CD53: variants seen among roughly 807,000 people sequenced by gnomAD.
The protein encoded by CD53 is CD53 molecule.
Under a neutral mutation model 27.3 loss-of-function variants are expected in CD53, and 20 were observed. The ratio of observed to expected loss-of-function variants is 0.73; its 90% confidence interval spans 0.52 to 1.07. The LOEUF (loss-of-function observed/expected upper bound fraction) is 1.07. Ranked by LOEUF, CD53 falls within the 50% of genes least tolerant of loss-of-function variation. CD53 has a pLI of 0.00. For missense variants in CD53, 216 were observed against 264.0 expected (o/e 0.82, Z 1.26); for synonymous variants, 106 against 105.3 (o/e 1.01, Z -0.04).
rs1231116098 is a variant in CD53, at chr1:110,892,719, G to T, written c.252+186G>T. On this transcript the variant is annotated intron_variant, in intron 3 of 7. Transcript: ENST00000271324. ...ATGTATGACTAGGGTCCCACGGACA[G>T]GTGAAAGAGGGCATTGCTATCCCCC... 12 of 556,458 alleles carry T rather than the reference G, an allele frequency of 2.2e-5. No homozygotes were observed. In the Middle Eastern group the frequency reaches 1.4e-3, roughly 65 times the overall value. The allele number at this position is 556,458 out of a possible 1,614,324, so 34.5% of individuals were successfully genotyped here.
At chr1:110,874,233 G>T (rs1006149949) in intron 1 of CD53, among the ~76,000 whole-genome samples, 12 of 152,228 alleles carry the variant, frequency 7.9e-5, no homozygotes, top group African/African-American at 2.2e-4. Flanking sequence ...ATTTCCAAGA[G>T]GGGTGGGGAC....
At chr1:110,886,845 C>CAAGATA (rs1557816820) in intron 1 of CD53, among the ~76,000 whole-genome samples, 1 of 38,904 alleles carries the variant, frequency 2.6e-5, no homozygotes, top group Non-Finnish European at 6.1e-5. Context: ...ACTCTGTCTC[C>CAAGATA]AATATATATA....
rs796425038 is a variant in CD53 at position 110,889,279 on chromosome 1, G to A, written c.-17-2113G>A. Among the ~76,000 whole-genome samples, 5 of 152,006 alleles carry A rather than the reference G, an allele frequency of 3.3e-5. No individual in the cohort carries two copies. In the East Asian group the frequency reaches 5.8e-4, roughly 18 times the overall value. ...GTTCTTTAAGACTCAATAATTGGCC[G>A]GGTGTGGTGGCTCAAGCCTGTAATC... is the stretch of plus-strand genomic sequence containing the variant. On this transcript the variant is annotated intron_variant, in intron 1 of 7. Coordinates refer to ENST00000271324, the MANE Select transcript of CD53 (RefSeq NM_000560.4).
chr1:110,885,031 G>T (rs1356674937), intron 1 of CD53, among the ~76,000 whole-genome samples: 1 of 151,468 alleles, frequency 6.6e-6, no homozygotes, highest in East Asian at 1.9e-4. Flanking sequence ...CCCATTTGTT[G>T]TTACCCCTTT....
At chr1:110,877,864 C>T (rs534145356) in intron 1 of CD53, among the ~76,000 whole-genome samples, 10 of 152,312 alleles carry the variant, frequency 6.6e-5, no homozygotes, top group East Asian at 1.9e-4. Context: ...TTCAAAAGGA[C>T]GTACAGCGAT....
chr1:110,897,711 A>T, intron 6 of CD53, 98 bp from the exon 7 acceptor site: 1 of 699,494 alleles, frequency 1.4e-6, no homozygotes, highest in Non-Finnish European at 2.5e-6. Flanking sequence ...TCTTTGTATT[A>T]CATAAAGCAA....
Position 110,892,348 on chromosome 1 carries a change from T to G in CD53, c.67T>G (p.Cys23Gly), listed in dbSNP as rs1187374355. Residue 23 changes from cysteine to glycine, a missense_variant, in exon 3 of 8, where the codon TGT becomes GGT. By Grantham distance (159) the Cys-to-Gly change is radical (BLOSUM62 -3). Transcript: ENST00000271324. ...LFFFNLLFWICGCCILGFGIY... is the reference protein window; with the variant it reads ...LFFFNLLFWIGGCCILGFGIY... The stretch of plus-strand genomic sequence containing the variant: ...GTTGTGGGATTCTTCCTTTCAGATC[T>G]GTGGCTGCTGCATTTTGGGCTTTGG... 6.2e-7 allele frequency: 1 copy of G among 1,613,478 alleles called. No individual in the cohort carries two copies. Among genetic ancestry groups the G allele is most frequent in the Non-Finnish European group, 8.5e-7 (1 of 1,179,376 alleles).
intron 1 of CD53, among the ~76,000 whole-genome samples, chr1:110,889,341 G>A (rs1474622867): frequency 6.6e-6 from 1 of 151,834 alleles, no homozygotes; most frequent in Non-Finnish European, 1.5e-5. Context: ...TAGATCACCA[G>A]GTCAGGAGTT....
Position 110,894,979 on chromosome 1 carries a change from A to C in CD53, c.347A>C (p.Lys116Thr). Residue 116 changes from lysine to threonine, a missense_variant, in exon 5 of 8, where the codon AAG becomes ACG. Lys to Thr is a moderately conservative substitution (Grantham distance 78, BLOSUM62 -1). Coordinates refer to ENST00000271324, the MANE Select transcript of CD53 (RefSeq NM_000560.4). ...GCCCAGCTGAATGAGTATGTGGCTA[A>C]GGGTCTGACCGACAGCATCCACCGT... ...YEQKLNEYVA[K>T]GLTDSIHRYH... 6.2e-7 allele frequency: 1 copy of C among 1,613,928 alleles called. No homozygotes were observed. Among genetic ancestry groups the C allele is most frequent in the South Asian group, 1.1e-5 (1 of 91,072 alleles).
At chr1:110,885,487 G>A (rs1158482835) in intron 1 of CD53, among the ~76,000 whole-genome samples, 3 of 152,082 alleles carry the variant, frequency 2.0e-5, no homozygotes, top group Non-Finnish European at 2.9e-5. Context: ...GCAGTGAGCC[G>A]AGATCGCGCC....
At chr1:110,898,358 C>G (rs1266524155) in intron 7 of CD53, among the ~76,000 whole-genome samples, 1 of 133,564 alleles carries the variant, frequency 7.5e-6, no homozygotes, top group Non-Finnish European at 1.6e-5. Context: ...GCCTGGGCGA[C>G]AGAGCGAGAC....
At chr1:110,886,674 C>A (rs1028173883) in intron 1 of CD53, among the ~76,000 whole-genome samples, 1 of 151,740 alleles carries the variant, frequency 6.6e-6, no homozygotes, top group Non-Finnish European at 1.5e-5. Context: ...CATGGTGAAA[C>A]CCTGTCTCTA....
At chr1:110,878,880 C>T (rs186310336) in intron 1 of CD53, among the ~76,000 whole-genome samples, 4 of 152,260 alleles carry the variant, frequency 2.6e-5, no homozygotes, top group Middle Eastern at 3.4e-3. Flanking sequence ...CTATTAAACG[C>T]TTTTCTTCAC....
At chr1:110,894,483 A>G in intron 4 of CD53, 82 bp downstream of exon 4, 4 of 1,045,760 alleles carry the variant, frequency 3.8e-6, no homozygotes, top group East Asian at 4.7e-5. Flanking sequence ...AAAGTTACAG[A>G]ATAAGTTCTA....
intron 3 of CD53, among the ~76,000 whole-genome samples, chr1:110,893,913 T>C (rs533017487): frequency 6.6e-6 from 1 of 152,312 alleles, no homozygotes; most frequent in African/African-American, 2.4e-5. Context: ...TGTACAGGGC[T>C]CCTCTCAGCC....
At position 110,894,955 on chromosome 1, in the gene CD53, C is replaced by T; in HGVS notation, c.328-5C>T. On this transcript the variant is annotated splice_region_variant and splice_polypyrimidine_tract_variant and intron_variant, in intron 4 of 7. Transcript: ENST00000271324. ...TGTCTCCTCTGCTGGAATGTGCCTG[C>T]CCAGCTGAATGAGTATGTGGCTAAG... 6.2e-7 allele frequency: 1 copy of T among 1,609,964 alleles called. No individual in the cohort carries two copies. The highest frequency in any genetic ancestry group is 1.3e-5 in the African/African-American group (1 of 74,944).
At chr1:110,877,395 A>G (rs2101038219) in intron 1 of CD53, among the ~76,000 whole-genome samples, 1 of 152,322 alleles carries the variant, frequency 6.6e-6, no homozygotes, top group Middle Eastern at 3.4e-3. Context: ...GGGACCCCGT[A>G]TGTAAAGTTC....
intron 1 of CD53, among the ~76,000 whole-genome samples, chr1:110,886,847 A>AGT (rs71096369): frequency 2.6e-5 from 1 of 37,786 alleles, no homozygotes; most frequent in South Asian, 1.0e-3. Flanking sequence ...TCTGTCTCCA[A>AGT]TATATATATA....
At chr1:110,887,058 G>GTTTATTTTATTTTATTTTAT (rs71096370) in intron 1 of CD53, among the ~76,000 whole-genome samples, 27,862 of 146,498 alleles carry the variant, frequency 0.19, 2,881 homozygotes, top group Middle Eastern at 0.25. Flanking sequence ...CTCTATTTAT[G>GTTTATTTTATTTTATTTTAT]TTTATTTTAT....
Sources: allele counts gnomAD v4.1 joint callset (sites outside exome capture counted in the v4.1 genomes callset), GRCh38; gene constraint gnomAD v4.1.1; transcripts MANE v1.5; gene names NCBI Gene and HGNC (gene_info 2026-07-23, HGNC 2026-07-21).